The following PAPPA2 variants were observed in gnomAD, a reference collection of about 807,000 sequenced individuals.
PAPPA2 encodes the protein pappalysin-2.
In PAPPA2, 86 loss-of-function variants were observed where a neutral mutation model predicts 176.4. That is an observed-to-expected ratio of 0.49 (90% CI 0.41 to 0.58). The LOEUF (loss-of-function observed/expected upper bound fraction) is 0.58. Among genes scored for constraint, PAPPA2 ranks in the 20% least tolerant of loss-of-function variants. The pLI is 0.00. For synonymous variants in PAPPA2, 809 were observed against 852.2 expected (o/e 0.95, Z 0.88); for missense variants, 2,073 against 2,256.9 (o/e 0.92, Z 1.65).
At chr1:176,772,002 G>C (rs1477944118) in intron 17 of PAPPA2, among the ~76,000 whole-genome samples, 2 of 152,058 alleles carry the variant, frequency 1.3e-5, no homozygotes, top group Admixed American at 1.3e-4. Context: ...AATAATGCTT[G>C]CATCCATGTT....
intron 1 of PAPPA2, among the ~76,000 whole-genome samples, chr1:176,520,392 A>G (rs552845314): frequency 2.6e-5 from 4 of 152,182 alleles, no homozygotes; most frequent in African/African-American, 9.7e-5. Context: ...AAGTCTTTCT[A>G]ATGTCATCCA....
At chr1:176,729,882 T>C (rs12059295) in intron 12 of PAPPA2, among the ~76,000 whole-genome samples, 64,539 of 151,762 alleles carry the variant, frequency 0.43, 15,087 homozygotes, top group African/African-American at 0.61. Context: ...TGAACTTAAT[T>C]AACCCCTTGA....
rs958492823 is a variant in PAPPA2, at chr1:176,740,187, A to C, written c.4142A>C (p.Gln1381Pro). 2 of 1,613,406 alleles carry C rather than the reference A, an allele frequency of 1.2e-6. No individual in the cohort carries two copies. The highest frequency in any genetic ancestry group is 2.7e-5 in the African/African-American group (2 of 74,896). ...CISEDEGQNH[Q>P]GQSCIHRPCG... Reference sequence around the variant, plus strand: ...TCAGAGGACGAGGGGCAGAATCATCAGGGACAGAGGTACAAACTTCCCTTT... The same window carrying C: ...TCAGAGGACGAGGGGCAGAATCATCCGGGACAGAGGTACAAACTTCCCTTT... Residue 1381 changes from glutamine (Q) to proline (P), a missense_variant, in exon 14 of 23, where the codon CAG becomes CCG. By Grantham distance (76) the Gln-to-Pro change is moderately conservative. Transcript: ENST00000367662.
At chr1:176,517,179 A>G (rs1424118322) in intron 1 of PAPPA2, among the ~76,000 whole-genome samples, 3 of 152,140 alleles carry the variant, frequency 2.0e-5, no homozygotes, top group Admixed American at 6.6e-5. Context: ...CTGCAATGGT[A>G]TTTCCCCCTT....
chr1:176,710,278 A>T, intron 11 of PAPPA2, 102 bp downstream of exon 11: 1 of 1,081,384 alleles, frequency 9.2e-7, no homozygotes, highest in Non-Finnish European at 1.3e-6. Context: ...TAAAAGAAGA[A>T]GTAAGGAGTT....
chr1:176,796,821 C>T (rs1377738885), intron 20 of PAPPA2, among the ~76,000 whole-genome samples: 1 of 149,226 alleles, frequency 6.7e-6, no homozygotes, highest in Non-Finnish European at 1.5e-5. Flanking sequence ...CTCTTTCTTT[C>T]TCCCTCTTTC....
chr1:176,577,762 G>A (rs967586084), intron 2 of PAPPA2, among the ~76,000 whole-genome samples: 9 of 152,084 alleles, frequency 5.9e-5, no homozygotes, highest in Non-Finnish European at 1.3e-4. Context: ...ACGTACATGT[G>A]TGGGACGGCT....
intron 3 of PAPPA2, among the ~76,000 whole-genome samples, chr1:176,636,542 A>G (rs761684239): frequency 3.9e-5 from 6 of 152,170 alleles, no homozygotes; most frequent in Non-Finnish European, 5.9e-5. Flanking sequence ...GATATAACCT[A>G]TAAGTTGAAC....
intron 4 of PAPPA2, among the ~76,000 whole-genome samples, chr1:176,676,014 T>C (rs867636496): frequency 1.2e-4 from 18 of 152,002 alleles, no homozygotes; most frequent in Middle Eastern, 3.4e-3. Context: ...GAAGTGCAAA[T>C]GAAACCACAG....
chr1:176,551,835 C>G (rs1650970606), intron 1 of PAPPA2, among the ~76,000 whole-genome samples: 1 of 151,896 alleles, frequency 6.6e-6, no homozygotes, highest in African/African-American at 2.4e-5. Flanking sequence ...GGGTGGGTGT[C>G]TGAATTTTAC....
chr1:176,647,685 G>T (rs1046110542), intron 3 of PAPPA2, among the ~76,000 whole-genome samples: 3 of 151,616 alleles, frequency 2.0e-5, no homozygotes, highest in African/African-American at 7.3e-5. Context: ...TTTCCCTATT[G>T]TATGTTTTTG....
At chr1:176,634,238 A>C (rs975194412) in intron 3 of PAPPA2, among the ~76,000 whole-genome samples, 1 of 152,242 alleles carries the variant, frequency 6.6e-6, no homozygotes, top group Non-Finnish European at 1.5e-5. Flanking sequence ...TGTGGCACTT[A>C]TACACCATGG....
chr1:176,739,516 G>A (rs1662569748), intron 12 of PAPPA2, 110 bp from the exon 13 acceptor site: 1 of 1,203,386 alleles, frequency 8.3e-7, no homozygotes, highest in Non-Finnish European at 1.1e-6. Context: ...AAAAATGGAA[G>A]CTCTTACTTT....
intron 2 of PAPPA2, among the ~76,000 whole-genome samples, chr1:176,586,088 G>A (rs1290390848): frequency 1.3e-5 from 2 of 151,936 alleles, no homozygotes; most frequent in Non-Finnish European, 2.9e-5. Context: ...TTCTATGTTT[G>A]ATGTGTTCTT....
At chr1:176,554,061 C>T (rs1445546112) in intron 1 of PAPPA2, among the ~76,000 whole-genome samples, 1 of 152,038 alleles carries the variant, frequency 6.6e-6, no homozygotes, top group Non-Finnish European at 1.5e-5. Flanking sequence ...TAGTAACATC[C>T]ATGTGCCTGA....
intron 21 of PAPPA2, among the ~76,000 whole-genome samples, chr1:176,824,172 T>C (rs1034466262): frequency 9.2e-5 from 14 of 152,204 alleles, no homozygotes; most frequent in Non-Finnish European, 4.4e-5. Context: ...CAACAGTTTA[T>C]CAACACACAT....
intron 2 of PAPPA2, among the ~76,000 whole-genome samples, chr1:176,577,951 C>T (rs1020752111): frequency 1.3e-5 from 2 of 152,094 alleles, no homozygotes; most frequent in South Asian, 2.1e-4. Flanking sequence ...TTGAATAGAG[C>T]TTCACCTTCC....
chr1:176,661,215 T>C (rs1658340683), intron 3 of PAPPA2, among the ~76,000 whole-genome samples: 1 of 152,064 alleles, frequency 6.6e-6, no homozygotes. Flanking sequence ...TGGAATAATG[T>C]CTCTGAATCA....
At chr1:176,554,855 T>G (rs1454242299) in intron 1 of PAPPA2, among the ~76,000 whole-genome samples, 1 of 152,112 alleles carries the variant, frequency 6.6e-6, no homozygotes, top group African/African-American at 2.4e-5. Context: ...CCCCAATGAT[T>G]GAACAAAGTA....
Sources: gnomAD v4.1 joint callset for allele counts (sites outside exome capture counted in the v4.1 genomes callset) on GRCh38, gnomAD v4.1.1 for gene constraint, MANE v1.5 for transcripts, NCBI Gene and HGNC (gene_info 2026-07-23, HGNC 2026-07-21) for gene names.